ADAM20: variants seen among roughly 807,000 people sequenced by gnomAD.
ADAM20 encodes the protein ADAM metallopeptidase domain 20.
For synonymous variants in ADAM20, 305 were observed against 310.2 expected (o/e 0.98, Z 0.18); for missense variants, 871 against 883.2 (o/e 0.99, Z 0.18).
Position 70,522,544 on chromosome 14 carries a change from TA to T in ADAM20, c.*32del, listed in dbSNP as rs1883472907. ...AAAATTGGATATTAAAAATGAAGTA[TA>T]AAGTTTAGTCTCCTTCTTTTTCCCA... On this transcript the variant is annotated 3_prime_UTR_variant, in exon 2 of 2. Transcript: ENST00000256389. The T allele has an allele frequency of 6.7e-7, 1 of 1,489,964 alleles. No homozygotes were observed. 92.3% of individuals were successfully genotyped at this position (1,489,964 alleles called of 1,614,324 possible).
At chr14:70,540,287 G>T in the ADAM20 span, among the ~76,000 whole-genome samples, 6 of 152,068 alleles carry the variant, frequency 3.9e-5, no homozygotes, top group African/African-American at 1.4e-4. Context: ...GTCTGTGTGT[G>T]GCTATATATG....
At chr14:70,577,755 G>C in the ADAM20 span, among the ~76,000 whole-genome samples, 1 of 152,226 alleles carries the variant, frequency 6.6e-6, no homozygotes, top group East Asian at 1.9e-4. Context: ...AATCGTTTTT[G>C]ACAAGTGCCA....
chr14:70,565,890 C>A, the ADAM20 span, among the ~76,000 whole-genome samples: 1 of 151,738 alleles, frequency 6.6e-6, no homozygotes, highest in African/African-American at 2.4e-5. Context: ...CTGGATAACC[C>A]CACAGGTACC....
At chr14:70,565,534 G>C in the ADAM20 span, among the ~76,000 whole-genome samples, 1 of 152,218 alleles carries the variant, frequency 6.6e-6, no homozygotes, top group East Asian at 1.9e-4. Flanking sequence ...ACTCATTACA[G>C]GCAAAGGAGC....
At chr14:70,559,763 GT>G in the ADAM20 span, among the ~76,000 whole-genome samples, 1 of 152,114 alleles carries the variant, frequency 6.6e-6, no homozygotes, top group Non-Finnish European at 1.5e-5. Flanking sequence ...CCATCTCAGG[GT>G]CTTTATTCTT....
the ADAM20 span, chr14:70,557,154 A>C: frequency 6.6e-6 from 1 of 152,166 alleles, no homozygotes; most frequent in Non-Finnish European, 1.5e-5. Flanking sequence ...AAACAACATA[A>C]TGCTATAATT....
the ADAM20 span, among the ~76,000 whole-genome samples, chr14:70,573,661 T>G: frequency 2.0e-3 from 301 of 152,238 alleles, 1 homozygote; most frequent in African/African-American, 6.9e-3. Context: ...GCTATAAGGG[T>G]GCATTTAAGC....
the ADAM20 span, among the ~76,000 whole-genome samples, chr14:70,553,829 A>G: frequency 6.6e-6 from 1 of 152,164 alleles, no homozygotes; most frequent in Non-Finnish European, 1.5e-5. Flanking sequence ...CACAGCTAGC[A>G]TCATGAATGG....
At position 70,522,992 on chromosome 14, in the gene ADAM20, G is replaced by A; in HGVS notation, c.1766C>T (p.Thr589Ile). 6.2e-7 allele frequency: 1 copy of A among 1,614,036 alleles called. No individual in the cohort carries two copies. The highest frequency in any genetic ancestry group is 8.5e-7 in the Non-Finnish European group (1 of 1,179,968). ...STVQQFHLND[T>I]TCWGTDYHLG... ...ATGATAATCAGTGCCCCAGCAAGTG[G>A]TGTCATTGAGGTGAAACTGCTGCAC... Residue 589 changes from threonine (T) to isoleucine (I), a missense_variant, in exon 2 of 2, where the codon ACC (threonine) becomes ATC (isoleucine). Physicochemically the swap from Thr to Ile is moderately conservative, Grantham distance 89. Coordinates refer to ENST00000256389, the MANE Select transcript of ADAM20 (RefSeq NM_003814.5).
chr14:70,535,347 CT>C (rs1300605637), upstream of ADAM20, among the ~76,000 whole-genome samples: 1 of 152,066 alleles, frequency 6.6e-6, no homozygotes, highest in Non-Finnish European at 1.5e-5. Flanking sequence ...AATTGAAATG[CT>C]TGCAGAGTGA....
At chr14:70,566,933 G>T in the ADAM20 span, among the ~76,000 whole-genome samples, 4 of 152,224 alleles carry the variant, frequency 2.6e-5, no homozygotes, top group East Asian at 7.7e-4. Context: ...AGTGAGCCAA[G>T]ATCATGCCAT....
intron 1 of ADAM20, 140 bp from the exon 2 acceptor site, chr14:70,525,073 T>A: frequency 1.4e-6 from 1 of 732,112 alleles, no homozygotes; most frequent in Non-Finnish European, 2.1e-6. Flanking sequence ...GCCAAGAAGA[T>A]TTCCAGATAG....
chr14:70,562,714 A>C, the ADAM20 span, among the ~76,000 whole-genome samples: 48 of 152,218 alleles, frequency 3.2e-4, no homozygotes, highest in African/African-American at 1.1e-3. Context: ...TCCTGCCACC[A>C]AGTGAAGAAA....
At chr14:70,539,482 G>A (rs974321196), upstream of ADAM20, among the ~76,000 whole-genome samples, 1 of 152,190 alleles carries the variant, frequency 6.6e-6, no homozygotes, top group Non-Finnish European at 1.5e-5. Context: ...GGCTATAAAC[G>A]CCCTCATCTT....
chr14:70,546,124 TAAG>T, the ADAM20 span, among the ~76,000 whole-genome samples: 2 of 151,994 alleles, frequency 1.3e-5, no homozygotes, highest in African/African-American at 4.8e-5. Flanking sequence ...ATGAAGAAAT[TAAG>T]AAGAAAATTG....
chr14:70,568,718 A>G, the ADAM20 span, among the ~76,000 whole-genome samples: 1 of 152,220 alleles, frequency 6.6e-6, no homozygotes, highest in Non-Finnish European at 1.5e-5. Flanking sequence ...TTGCTAAAGG[A>G]ATTTCAAAAT....
the ADAM20 span, among the ~76,000 whole-genome samples, chr14:70,552,989 A>T: frequency 2.0e-5 from 1 of 50,860 alleles, no homozygotes; most frequent in Admixed American, 2.6e-4. Context: ...ATAAAAAATG[A>T]TGAGTTCATA....
At chr14:70,539,235 T>G (rs1286343828), upstream of ADAM20, among the ~76,000 whole-genome samples, 293 of 129,576 alleles carry the variant, frequency 2.3e-3, no homozygotes, top group Middle Eastern at 9.4e-3. Context: ...AATACAAAAT[T>G]GCATGCAGGA....
chr14:70,559,675 T>A, the ADAM20 span, among the ~76,000 whole-genome samples: 1 of 152,238 alleles, frequency 6.6e-6, no homozygotes, highest in African/African-American at 2.4e-5. Flanking sequence ...TTTTACCTAA[T>A]TCATGTCCTA....
Sources: allele counts gnomAD v4.1 joint callset (sites outside exome capture counted in the v4.1 genomes callset), GRCh38; gene constraint gnomAD v4.1.1; transcripts MANE v1.5; gene names NCBI Gene and HGNC (gene_info 2026-07-23, HGNC 2026-07-21).